The following UVRAG variants were observed in gnomAD, a reference collection of about 807,000 sequenced individuals.
UVRAG encodes the protein UV radiation resistance-associated gene protein.
Under a neutral mutation model 78.0 loss-of-function variants are expected in UVRAG, and 19 were observed. That is an observed-to-expected ratio of 0.24 (90% CI 0.17 to 0.36). UVRAG has a LOEUF of 0.36. Ranked by LOEUF, UVRAG falls within the 10% of genes least tolerant of loss-of-function variation. The pLI, the probability that UVRAG is intolerant of heterozygous loss-of-function variation, is 1.00. For synonymous variants in UVRAG, 323 were observed against 324.6 expected (o/e 1.00, Z 0.05); for missense variants, 740 against 853.8 (o/e 0.87, Z 1.66).
intron 1 of UVRAG, among the ~76,000 whole-genome samples, chr11:75,826,500 C>T (rs952579180): frequency 2.6e-5 from 4 of 152,138 alleles, no homozygotes; most frequent in African/African-American, 9.7e-5. Context: ...AGCCTCACAG[C>T]TTTGGGGATT....
chr11:75,893,354 AAAATGAGCACT>A (rs1947262769), intron 5 of UVRAG, among the ~76,000 whole-genome samples: 1 of 152,062 alleles, frequency 6.6e-6, no homozygotes, highest in Non-Finnish European at 1.5e-5. Flanking sequence ...TCTTCAGGGT[AAAATGAGCACT>A]AAATGAGCAC....
At chr11:76,059,920 G>A (rs1010082621) in intron 12 of UVRAG, among the ~76,000 whole-genome samples, 3 of 152,138 alleles carry the variant, frequency 2.0e-5, no homozygotes, top group Admixed American at 2.0e-4. Context: ...ATCTTAATAT[G>A]TATGATTTAA....
chr11:75,980,408 C>T (rs990151054), intron 7 of UVRAG, among the ~76,000 whole-genome samples: 4 of 152,160 alleles, frequency 2.6e-5, no homozygotes, highest in Non-Finnish European at 5.9e-5. Context: ...TCAAGCAATC[C>T]TCCCACCTGG....
intron 13 of UVRAG, among the ~76,000 whole-genome samples, chr11:76,094,171 T>C (rs7117569): frequency 0.14 from 20,985 of 152,060 alleles, 3,738 homozygotes; most frequent in African/African-American, 0.42. Flanking sequence ...TATTGATTTG[T>C]GTATGTTGAA....
intron 13 of UVRAG, among the ~76,000 whole-genome samples, chr11:76,099,760 A>G (rs1951847158): frequency 1.3e-5 from 2 of 152,050 alleles, no homozygotes; most frequent in Non-Finnish European, 2.9e-5. Context: ...ATTCTAATTC[A>G]TTGTTATTTA....
chr11:75,819,373 GTT>G (rs1041871476), intron 1 of UVRAG, among the ~76,000 whole-genome samples: 2 of 151,878 alleles, frequency 1.3e-5, no homozygotes, highest in Admixed American at 6.6e-5. Flanking sequence ...TTTTGAGACA[GTT>G]TTACTCTGGT....
At chr11:75,898,862 G>A (rs534145745) in intron 5 of UVRAG, among the ~76,000 whole-genome samples, 1 of 152,062 alleles carries the variant, frequency 6.6e-6, no homozygotes, top group African/African-American at 2.4e-5. Context: ...TAAATAGGTG[G>A]TTATTTCCTC....
At chr11:76,130,146 C>T (rs762210149) in intron 14 of UVRAG, among the ~76,000 whole-genome samples, 1 of 152,060 alleles carries the variant, frequency 6.6e-6, no homozygotes, top group Non-Finnish European at 1.5e-5. Context: ...CTGGAAGATA[C>T]TCTTCCCCAC....
intron 5 of UVRAG, chr11:75,892,224 G>T: frequency 1.9e-6 from 1 of 532,536 alleles, no homozygotes; most frequent in African/African-American, 2.1e-5. Context: ...AATTAAGCCA[G>T]TCACACACAG....
At chr11:75,943,303 G>GT (rs754035715) in intron 6 of UVRAG, among the ~76,000 whole-genome samples, 1,779 of 126,410 alleles carry the variant, frequency 0.014, 18 homozygotes, top group African/African-American at 0.034. Context: ...CACTTTTCCT[G>GT]TTTTTTTTTT....
intron 3 of UVRAG, among the ~76,000 whole-genome samples, chr11:75,879,079 A>G (rs572455845): frequency 3.3e-5 from 5 of 152,312 alleles, no homozygotes; most frequent in African/African-American, 9.6e-5. Flanking sequence ...GGTTCTCTTA[A>G]TGAGAAATAA....
chr11:76,057,225 G>C (rs985875063), intron 12 of UVRAG, among the ~76,000 whole-genome samples: 3 of 148,588 alleles, frequency 2.0e-5, no homozygotes, highest in Non-Finnish European at 4.5e-5. Flanking sequence ...TGATTTTTTA[G>C]GATCAGTTGG....
intron 8 of UVRAG, among the ~76,000 whole-genome samples, chr11:75,987,031 GCTTT>G (rs1949513312): frequency 6.6e-6 from 1 of 152,064 alleles, no homozygotes; most frequent in Admixed American, 6.6e-5. Context: ...GGTTGTTTCC[GCTTT>G]CTGTCTATCA....
chr11:76,078,784 C>T, intron 13 of UVRAG, among the ~76,000 whole-genome samples: 1 of 139,056 alleles, frequency 7.2e-6, no homozygotes, highest in East Asian at 2.2e-4. Context: ...AAAAAATTAG[C>T]TGGGTGTGGT....
chr11:76,016,972 G>A lies in UVRAG; in HGVS notation c.1218G>A (p.Lys406=). Residue 406 remains lysine (K), a synonymous_variant, in exon 12 of 15, where the codon AAG becomes AAA. Coordinates refer to ENST00000356136, the MANE Select transcript of UVRAG (RefSeq NM_003369.4). ...ATATCAATGACAAACTGACGGAAAA[G>A]GAGAGAGAGTAAGTGTCTTTTTTTT... ...KDNINDKLTE[K]EREFPLYPKG... 8 of 1,601,176 alleles carry A rather than the reference G, an allele frequency of 5.0e-6. No homozygotes were observed. The highest frequency in any genetic ancestry group is 6.0e-6 in the Non-Finnish European group (7 of 1,173,014).
intron 12 of UVRAG, among the ~76,000 whole-genome samples, chr11:76,032,895 A>G (rs1292499175): frequency 6.6e-6 from 1 of 152,256 alleles, no homozygotes; most frequent in Non-Finnish European, 1.5e-5. Flanking sequence ...GACATGTATA[A>G]GAGAAGAGTA....
intron 12 of UVRAG, among the ~76,000 whole-genome samples, chr11:76,019,615 G>A (rs554144857): frequency 2.0e-5 from 3 of 152,312 alleles, no homozygotes; most frequent in Admixed American, 2.0e-4. Context: ...TGGTGGTCTT[G>A]GATAAGATCC....
intron 1 of UVRAG, among the ~76,000 whole-genome samples, chr11:75,826,219 G>A (rs1164684465): frequency 1.3e-5 from 2 of 151,876 alleles, no homozygotes; most frequent in East Asian, 1.9e-4. Flanking sequence ...GCAGTGGCAC[G>A]ATCTTGGCTC....
At chr11:75,990,755 C>T (rs528457224) in intron 8 of UVRAG, among the ~76,000 whole-genome samples, 14 of 152,264 alleles carry the variant, frequency 9.2e-5, no homozygotes, top group African/African-American at 3.4e-4. Flanking sequence ...TTCCATAGCA[C>T]CCTATATTTT....
Sources: gnomAD v4.1 joint callset for allele counts (sites outside exome capture counted in the v4.1 genomes callset) on GRCh38, gnomAD v4.1.1 for gene constraint, MANE v1.5 for transcripts, NCBI Gene and HGNC (gene_info 2026-07-23, HGNC 2026-07-21) for gene names.